TTN: variants seen among roughly 807,000 people sequenced by gnomAD.
TTN encodes titin, also known as connectin.
In TTN, 1,525 loss-of-function variants were observed where a neutral mutation model predicts 3,223.0. The observed-to-expected ratio is 0.47, with a 90% confidence interval of 0.45 to 0.49. The LOEUF (loss-of-function observed/expected upper bound fraction) is 0.49, where lower values mean the gene tolerates loss of function less well. Ranked by LOEUF, TTN falls within the 20% of genes least tolerant of loss-of-function variation. The pLI, the probability that TTN is intolerant of heterozygous loss-of-function variation, is 0.00. For missense variants in TTN, 40,786 were observed against 43,424.0 expected, an observed-to-expected ratio of 0.94 and a Z score of 5.40; for synonymous variants, 14,094 against 15,161.0, an observed-to-expected ratio of 0.93 and a Z score of 5.17.
chr2:178,609,244 C>T lies in TTN; in HGVS notation c.52066G>A (p.Gly17356Ser), dbSNP rs1300982560. The change falls in exon 273 of 363, where the codon GGT becomes AGT. Residue 17356 changes from glycine to serine, a missense_variant. Physicochemically the swap from Gly to Ser is moderately conservative, Grantham distance 56. Coordinates refer to ENST00000589042, the MANE Select transcript of TTN (RefSeq NM_001267550.2). ...LYMIKVENDH[G>S]IAKAPCTVSV... The stretch of plus-strand genomic sequence containing the variant: ...ACAGTACAAGGAGCTTTTGCAATAC[C>T]GTGGTCATTTTCAACTTTGATCATA... 7 of 1,530,486 alleles carry T rather than the reference C, an allele frequency of 4.6e-6. No individual in the cohort carries two copies. Among genetic ancestry groups the T allele is most frequent in the African/African-American group, 2.8e-5 (2 of 72,108 alleles). 94.8% of individuals were successfully genotyped at this position (1,530,486 alleles called of 1,614,324 possible). A position where few individuals can be genotyped will look rare whatever the true frequency, so the allele number is the denominator to read the frequency against.
chr2:178,708,136 T>G (rs980045929), intron 99 of TTN, among the ~76,000 whole-genome samples: 4 of 152,174 alleles, frequency 2.6e-5, no homozygotes, highest in African/African-American at 7.2e-5. Flanking sequence ...CTATTAATTC[T>G]CTCAAACCTG....
Position 178,729,947 on chromosome 2 carries a change from T to C in TTN, c.18308-2A>G. Reference sequence around the variant, plus strand: ...GCTTCTTAATGAATTGAGGAGGTTCTAAAGATGGAAAAAGAATTGTGATGT... The same window carrying C: ...GCTTCTTAATGAATTGAGGAGGTTCCAAAGATGGAAAAAGAATTGTGATGT... On this transcript the variant is annotated splice_acceptor_variant, in intron 62 of 362. Transcript: ENST00000589042. LOFTEE classifies it high-confidence loss of function. The C allele has an allele frequency of 6.2e-7, 1 of 1,609,132 alleles. No homozygotes were observed. The highest frequency in any genetic ancestry group is 8.5e-7 in the Non-Finnish European group (1 of 1,178,162).
In TTN at chr2:178,574,338, C is replaced by T. The variant is rs1437243224; in HGVS notation, c.71794G>A (p.Val23932Ile). The T allele has an allele frequency of 6.2e-7, 1 of 1,613,440 alleles. No individual in the cohort carries two copies. The highest frequency in any genetic ancestry group is 8.5e-7 in the Non-Finnish European group (1 of 1,179,672). The change falls in exon 326 of 363, where the codon GTA becomes ATA. Residue 23932 changes from valine (V) to isoleucine (I), a missense_variant. By Grantham distance (29) the Val-to-Ile change is conservative (BLOSUM62 3). Coordinates refer to ENST00000589042, the MANE Select transcript of TTN (RefSeq NM_001267550.2). ...GTGTGTCTTGTAATATTTAGAGGTACTGGTTTTCCAGGTGGGTCAATGGGA... is the reference window on the plus strand; with the variant it reads ...GTGTGTCTTGTAATATTTAGAGGTATTGGTTTTCCAGGTGGGTCAATGGGA... ...LDPIDPPGKP[V>I]PLNITRHTVT...
chr2:178,598,029 C>T lies in TTN; in HGVS notation c.57141G>A (p.Lys19047=). 1 of 1,613,112 alleles carries T rather than the reference C, an allele frequency of 6.2e-7. No homozygotes were observed. Among genetic ancestry groups the T allele is most frequent in the Non-Finnish European group, 8.5e-7 (1 of 1,179,496 alleles). ...KGKDKEVRGT[K]LVVTGLKEGA... ...CTTCCTTTAATCCTGTCACAACAAG[C>T]TTTGTTCCTCTCACTTCTTTATCTT... The change falls in exon 293 of 363, where the codon AAG becomes AAA. Residue 19047 remains lysine, a synonymous_variant. Coordinates refer to ENST00000589042, the MANE Select transcript of TTN (RefSeq NM_001267550.2).
In TTN at chr2:178,739,636, CAGTTG is replaced by C; in HGVS notation, c.13592_13596del (p.Ser4531Ter). The C allele has an allele frequency of 6.2e-7, 1 of 1,613,892 alleles. No individual in the cohort carries two copies. Among genetic ancestry groups the C allele is most frequent in the Non-Finnish European group, 8.5e-7 (1 of 1,179,844 alleles). On this transcript the variant is annotated frameshift_variant, in exon 48 of 363. Transcript: ENST00000589042. LOFTEE classifies it high-confidence loss of function. ...TGCACGTTAAAATAACTGACCTCTT[CAGTTG>C]AGATCAGATATTTAGATTCAACTTC... is the stretch of plus-strand genomic sequence containing the variant.
Position 178,560,482 on chromosome 2 carries a change from A to G in TTN, c.85650T>C (p.Val28550=). Residue 28550 remains valine (V), a synonymous_variant, in exon 326 of 363, where the codon GTT becomes GTC. Transcript: ENST00000589042. ...VAIKALDPFT[V]PSPPTSLEIT... ...TTTCCAAAGACGTGGGTGGACTTGG[A>G]ACTGTAAATGGATCTAGTGCCTTTA... 1 of 1,613,236 alleles carries G rather than the reference A, an allele frequency of 6.2e-7. No individual in the cohort carries two copies. Among genetic ancestry groups the G allele is most frequent in the South Asian group, 1.1e-5 (1 of 91,028 alleles).
intron 120 of TTN, among the ~76,000 whole-genome samples, 195 bp downstream of exon 120, chr2:178,692,302 A>G (rs2072658108): frequency 6.6e-6 from 1 of 152,096 alleles, no homozygotes; most frequent in Admixed American, 6.6e-5. Flanking sequence ...ACAAAGACCC[A>G]GTTAGCGTGA....
Position 178,570,053 on chromosome 2 carries a change from C to T in TTN, c.76079G>A (p.Gly25360Glu), listed in dbSNP as rs1158176682. 1 of 1,613,272 alleles carries T rather than the reference C, an allele frequency of 6.2e-7. No individual in the cohort carries two copies. The highest frequency in any genetic ancestry group is 8.5e-7 in the Non-Finnish European group (1 of 1,179,586). The change falls in exon 326 of 363, where the codon GGA becomes GAA. Residue 25360 changes from glycine (G) to glutamate (E), a missense_variant. Gly to Glu is a moderately conservative substitution (Grantham distance 98). Coordinates refer to ENST00000589042, the MANE Select transcript of TTN (RefSeq NM_001267550.2). ...TCCAGTTACTCTCAGGCGCAACTCT[C>T]CAATCAGACGCTTATGGCATCTTGT... Reference protein sequence around the residue: ...RWTRCHKRLIGELRLRVTGLI... With the variant: ...RWTRCHKRLIEELRLRVTGLI...
intron 245 of TTN, 43 bp from the exon 246 acceptor site, chr2:178,621,411 G>A (rs72677224): frequency 3.1e-6 from 5 of 1,607,186 alleles, no homozygotes; most frequent in African/African-American, 1.3e-5. Context: ...ATATGTCTTT[G>A]TACTTTAAAT....
At chr2:178,556,112 T>C (rs1701319389) in intron 330 of TTN, 1 of 152,224 alleles carries the variant, frequency 6.6e-6, no homozygotes, top group Admixed American at 6.5e-5. Context: ...AAATGTTAGC[T>C]GCTGCTAATA....
chr2:178,576,238 G>A lies in TTN; in HGVS notation c.69894C>T (p.Ile23298=). The part of the protein sequence containing the change: ...IKDTTGTALR[I]TQFVVPDLQT... ...GAAGATCAGGAACAACGAACTGAGT[G>A]ATTCTGAGGGCGGTTCCTGTGGTAT... is the stretch of plus-strand genomic sequence containing the variant. The change falls in exon 326 of 363, where the codon ATC becomes ATT. Residue 23298 remains isoleucine, a synonymous_variant. Coordinates refer to ENST00000589042, the MANE Select transcript of TTN (RefSeq NM_001267550.2). The surrounding 1 kb of genome is among the most constrained non-coding windows in gnomAD (Gnocchi z 4.3). 1 of 1,612,792 alleles carries A rather than the reference G, an allele frequency of 6.2e-7. No individual in the cohort carries two copies. Among genetic ancestry groups the A allele is most frequent in the Non-Finnish European group, 8.5e-7 (1 of 1,179,368 alleles).
intron 162 of TTN, 149 bp from the exon 163 acceptor site, chr2:178,667,050 A>G (rs1466226051): frequency 3.3e-6 from 3 of 918,836 alleles, no homozygotes; most frequent in South Asian, 1.9e-5. Flanking sequence ...TTTGTATATT[A>G]TATGTGTGGG....
rs58607203 is a variant in TTN, at chr2:178,699,723, A to ATT, written c.30683-811_30683-810dup. ...ACCGCGCCCAGCCCACTCTTTTTTA[A>ATT]TTTTTTTTTTTTTTTTTTTTTGAGA... is the stretch of plus-strand genomic sequence containing the variant. On this transcript the variant is annotated intron_variant, in intron 111 of 362. Coordinates refer to ENST00000589042, the MANE Select transcript of TTN (RefSeq NM_001267550.2). Among the ~76,000 whole-genome samples the ATT allele has an allele frequency of 3.2e-3, 186 of 58,148 alleles. 4 individuals are homozygous for ATT. Among genetic ancestry groups the ATT allele is most frequent in the African/African-American group, 0.011 (176 of 16,006 alleles). The allele number at this position is 58,148 out of a possible 152,430, so 38.1% of individuals were successfully genotyped here.
At chr2:178,625,419 T>C in intron 240 of TTN, 23 bp from the exon 241 acceptor site, 2 of 1,536,982 alleles carry the variant, frequency 1.3e-6, no homozygotes, top group Non-Finnish European at 1.7e-6. Flanking sequence ...AAAAAAAGAA[T>C]ACATGAAACA....
Position 178,652,091 on chromosome 2 carries a change from A to T in TTN, c.39295+5T>A. ...AAACACTAATTTGAATAGTTTCATTATTACCTTCAGGGGGAGGACTTTCCG... is the reference window on the plus strand; with the variant it reads ...AAACACTAATTTGAATAGTTTCATTTTTACCTTCAGGGGGAGGACTTTCCG... On this transcript the variant is annotated splice_donor_5th_base_variant and intron_variant, in intron 204 of 362. Transcript: ENST00000589042. 6.2e-7 allele frequency: 1 copy of T among 1,613,314 alleles called. No homozygotes were observed. The highest frequency in any genetic ancestry group is 1.1e-5 in the South Asian group (1 of 91,030).
rs140081451 is a variant in TTN, at chr2:178,546,717, C to T, written c.94711G>A (p.Val31571Met). 33 of 1,613,792 alleles carry T rather than the reference C, an allele frequency of 2.0e-5. No homozygotes were observed. The highest frequency in any genetic ancestry group is 2.7e-5 in the Non-Finnish European group (32 of 1,179,764). ...GTGTCTCCTTCACTGAGAGCAGTCACGGTGAAGAAATTGTCAGATACAATG... is the reference window on the plus strand; with the variant it reads ...GTGTCTCCTTCACTGAGAGCAGTCATGGTGAAGAAATTGTCAGATACAATG... ...YTIVSDNFFT[V>M]TALSEGDTYE... The change falls in exon 341 of 363, where the codon GTG (valine) becomes ATG (methionine). Residue 31571 changes from valine to methionine, a missense_variant. Physicochemically the swap from Val to Met is conservative, Grantham distance 21 (BLOSUM62 1). Transcript: ENST00000589042.
chr2:178,746,558 G>A (rs1217465550), intron 47 of TTN: 3 of 1,613,164 alleles, frequency 1.9e-6, no homozygotes, highest in Non-Finnish European at 2.5e-6. Context: ...AGGTGGTAGT[G>A]CCACCACTCT....
chr2:178,642,852 TTTTGAAATAATGC>T (rs1167135710), intron 218 of TTN, among the ~76,000 whole-genome samples: 1 of 151,982 alleles, frequency 6.6e-6, no homozygotes, highest in African/African-American at 2.4e-5. Context: ...AAGATTTCCT[TTTTGAAATAATGC>T]TGGATAAAAT....
At chr2:178,720,774 C>T (rs1002392952) in intron 79 of TTN, 111 bp from the exon 80 acceptor site, 4 of 1,364,312 alleles carry the variant, frequency 2.9e-6, no homozygotes, top group Admixed American at 5.8e-5. Flanking sequence ...ACAATACATG[C>T]TGACACAAGA....
Sources: gnomAD v4.1 joint callset for allele counts (sites outside exome capture counted in the v4.1 genomes callset) on GRCh38, gnomAD v4.1.1 for gene constraint, Gnocchi (gnomAD v3.1) non-coding constraint, MANE v1.5 for transcripts, NCBI Gene and HGNC (gene_info 2026-07-23, HGNC 2026-07-21) for gene names.